SPRED1: variants seen among roughly 807,000 people sequenced by gnomAD.
The protein encoded by SPRED1 is sprouty-related, EVH1 domain-containing protein 1.
Under a neutral mutation model 52.3 loss-of-function variants are expected in SPRED1, and 18 were observed. That is an observed-to-expected ratio of 0.34 (90% CI 0.24 to 0.51). SPRED1 has a LOEUF of 0.51. Among genes scored for constraint, SPRED1 ranks in the 20% least tolerant of loss-of-function variants. The probability of loss-of-function intolerance (pLI) is 0.97; values close to 1 mark genes in which losing one functional copy is unlikely to be tolerated. For missense variants in SPRED1, 485 were observed against 551.0 expected, an observed-to-expected ratio of 0.88 and a Z score of 1.20; for synonymous variants, 155 against 179.7, an observed-to-expected ratio of 0.86 and a Z score of 1.10.
At chr15:38,275,706 C>T (rs997902648) in intron 1 of SPRED1, among the ~76,000 whole-genome samples, 1 of 152,284 alleles carries the variant, frequency 6.6e-6, no homozygotes, top group East Asian at 1.9e-4. Context: ...CCATGTTCGT[C>T]AGGCTGGTCT....
chr15:38,278,696 G>GT (rs899015635), intron 1 of SPRED1, among the ~76,000 whole-genome samples: 10 of 151,944 alleles, frequency 6.6e-5, no homozygotes, highest in African/African-American at 2.4e-4. Flanking sequence ...TCATCTCTGG[G>GT]TTTTTTATGA....
chr15:38,314,158 C>G (rs1452533067), intron 2 of SPRED1, among the ~76,000 whole-genome samples: 1 of 151,730 alleles, frequency 6.6e-6, no homozygotes, highest in Admixed American at 6.6e-5. Context: ...ATGTATTTTT[C>G]AAGTAATTCA....
At chr15:38,340,531 A>ATT (rs1006898861) in intron 5 of SPRED1, among the ~76,000 whole-genome samples, 1 of 151,024 alleles carries the variant, frequency 6.6e-6, no homozygotes, top group Non-Finnish European at 1.5e-5. Flanking sequence ...CTTTCTTATA[A>ATT]TTTTTTTTTC....
chr15:38,253,839 A>G (rs912205348), intron 1 of SPRED1, among the ~76,000 whole-genome samples: 3 of 152,180 alleles, frequency 2.0e-5, no homozygotes, highest in Non-Finnish European at 2.9e-5. Context: ...TACCTTTGTG[A>G]ATATTGGACG....
chr15:38,293,124 G>T (rs1377365635), intron 1 of SPRED1, among the ~76,000 whole-genome samples: 5 of 2,872 alleles, frequency 1.7e-3, no homozygotes, highest in Non-Finnish European at 3.7e-3. Context: ...TTTTTGAGAC[G>T]GAGTCTCGCT....
intron 1 of SPRED1, among the ~76,000 whole-genome samples, chr15:38,263,809 G>C (rs568980260): frequency 6.6e-6 from 1 of 151,958 alleles, no homozygotes. Flanking sequence ...TAGCGGATGC[G>C]CTAAAAAAAA....
At chr15:38,278,672 C>A (rs1354505686) in intron 1 of SPRED1, among the ~76,000 whole-genome samples, 15 of 152,028 alleles carry the variant, frequency 9.9e-5, no homozygotes, top group Admixed American at 9.8e-4. Flanking sequence ...ACACATCCTC[C>A]CATATACTTT....
At chr15:38,271,423 T>C (rs556797518) in intron 1 of SPRED1, among the ~76,000 whole-genome samples, 2 of 152,224 alleles carry the variant, frequency 1.3e-5, no homozygotes, top group Non-Finnish European at 2.9e-5. Flanking sequence ...TCCTGGATTT[T>C]ACATTGCTCT....
At chr15:38,253,505 C>T (rs1000897376) in intron 1 of SPRED1, among the ~76,000 whole-genome samples, 8 of 152,080 alleles carry the variant, frequency 5.3e-5, no homozygotes, top group African/African-American at 1.9e-4. Context: ...GGAGTAGAAA[C>T]TACCCCTTTG....
At chr15:38,260,828 GA>G (rs1894191129) in intron 1 of SPRED1, among the ~76,000 whole-genome samples, 1 of 152,148 alleles carries the variant, frequency 6.6e-6, no homozygotes, top group East Asian at 1.9e-4. Flanking sequence ...GCAATGGACA[GA>G]AGCCCAGAAG....
intron 1 of SPRED1, among the ~76,000 whole-genome samples, chr15:38,278,978 C>T (rs2140962828): frequency 6.6e-6 from 1 of 152,228 alleles, no homozygotes; most frequent in South Asian, 2.1e-4. Context: ...CAGGCGTACA[C>T]CACCATGCCT....
chr15:38,265,495 C>G (rs1228583189), intron 1 of SPRED1, among the ~76,000 whole-genome samples: 2 of 151,132 alleles, frequency 1.3e-5, no homozygotes, highest in African/African-American at 2.4e-5. Flanking sequence ...AACTTAAAAT[C>G]TAAAAATTCC....
At chr15:38,289,654 A>G (rs1042945237) in intron 1 of SPRED1, among the ~76,000 whole-genome samples, 15 of 152,228 alleles carry the variant, frequency 9.9e-5, no homozygotes, top group Non-Finnish European at 4.4e-5. Context: ...AGAGAAAGAT[A>G]TAACTACAGA....
chr15:38,294,321 GA>G (rs1304970374), intron 1 of SPRED1, among the ~76,000 whole-genome samples: 2 of 152,108 alleles, frequency 1.3e-5, no homozygotes, highest in African/African-American at 4.8e-5. Flanking sequence ...GGCATTGTAA[GA>G]ACTTCCTCAA....
rs563657169 is a variant in SPRED1, at chr15:38,288,052, T to C, written c.33-11321T>C. On this transcript the variant is annotated intron_variant, in intron 1 of 6. Coordinates refer to ENST00000299084, the MANE Select transcript of SPRED1 (RefSeq NM_152594.3). Reference sequence around the variant, plus strand: ...CTGAATGATACACAACTGAGAAAAGTTCTGTATCTTACAGTTTTTGCTTGG... The same window carrying C: ...CTGAATGATACACAACTGAGAAAAGCTCTGTATCTTACAGTTTTTGCTTGG... Among the ~76,000 whole-genome samples the C allele has an allele frequency of 2.0e-5, 3 of 152,278 alleles. No homozygotes were observed. In the South Asian group the frequency reaches 6.2e-4, roughly 32 times the overall value.
chr15:38,329,001 G>A (rs1471424132), intron 4 of SPRED1, among the ~76,000 whole-genome samples: 1 of 152,146 alleles, frequency 6.6e-6, no homozygotes, highest in East Asian at 1.9e-4. Context: ...ATTACGGCAT[G>A]AGTCACTGTG....
intron 2 of SPRED1, among the ~76,000 whole-genome samples, chr15:38,316,841 A>G (rs1040227294): frequency 7.0e-6 from 1 of 142,496 alleles, no homozygotes; most frequent in African/African-American, 2.6e-5. Flanking sequence ...TTCTAGTACT[A>G]ATAATAAAAC....
chr15:38,300,440 C>G (rs1047147403), intron 2 of SPRED1, among the ~76,000 whole-genome samples: 7 of 152,030 alleles, frequency 4.6e-5, no homozygotes, highest in African/African-American at 1.7e-4. Flanking sequence ...TTTGTTATTT[C>G]TTATGTTTTG....
At chr15:38,281,881 G>A (rs993505884) in intron 1 of SPRED1, among the ~76,000 whole-genome samples, 1 of 152,106 alleles carries the variant, frequency 6.6e-6, no homozygotes, top group Admixed American at 6.5e-5. Flanking sequence ...CTCAGTTCAT[G>A]TTCACTTACA....
Sources: gnomAD v4.1 joint callset for allele counts (sites outside exome capture counted in the v4.1 genomes callset) on GRCh38, gnomAD v4.1.1 for gene constraint, MANE v1.5 for transcripts, NCBI Gene and HGNC (gene_info 2026-07-23, HGNC 2026-07-21) for gene names.